VIPR1: variants seen among roughly 807,000 people sequenced by gnomAD.
The protein encoded by VIPR1 is vasoactive intestinal polypeptide receptor 1.
Under a neutral mutation model 58.8 loss-of-function variants are expected in VIPR1, and 59 were observed. The ratio of observed to expected loss-of-function variants is 1.00; its 90% CI spans 0.81 to 1.25. The LOEUF (loss-of-function observed/expected upper bound fraction) is 1.25. Among genes scored for constraint, VIPR1 ranks in the 50% most tolerant of loss-of-function variants. The pLI is 0.00. For synonymous variants in VIPR1, 251 were observed against 242.1 expected (o/e 1.04, Z -0.34); for missense variants, 626 against 602.7 (o/e 1.04, Z -0.40).
At chr3:42,492,841 G>T (rs1379696548) in intron 1 of VIPR1, among the ~76,000 whole-genome samples, 5 of 152,230 alleles carry the variant, frequency 3.3e-5, no homozygotes, top group Admixed American at 6.5e-5. Flanking sequence ...ACAGGAGGCT[G>T]CGCCCTGGAC....
intron 6 of VIPR1, 149 bp downstream of exon 6, chr3:42,528,272 C>T: frequency 9.0e-7 from 1 of 1,112,896 alleles, no homozygotes; most frequent in Non-Finnish European, 1.2e-6. Flanking sequence ...AACCCCCACC[C>T]AACCCCACCT....
At chr3:42,526,620 TC>T in intron 4 of VIPR1, among the ~76,000 whole-genome samples, 1 of 152,124 alleles carries the variant, frequency 6.6e-6, no homozygotes, top group East Asian at 1.9e-4. Context: ...GACCGGGCTT[TC>T]ACTCCACCCA....
intron 3 of VIPR1, chr3:42,521,637 A>G (rs958776330): frequency 1.3e-5 from 2 of 152,204 alleles, no homozygotes; most frequent in Non-Finnish European, 2.9e-5. Context: ...GGAGAGTTAG[A>G]AAAAAGTCAT....
upstream of VIPR1, among the ~76,000 whole-genome samples, chr3:42,501,519 G>C (rs1002048012): frequency 6.6e-6 from 1 of 152,200 alleles, no homozygotes; most frequent in African/African-American, 2.4e-5. This position sits in a 1 kb window ranked among gnomAD's most constrained non-coding sequence, Gnocchi z 4.8. Context: ...GTGCAGGCTC[G>C]AGCCCGTAGA....
At chr3:42,498,844 T>C (rs1699815597), upstream of VIPR1, among the ~76,000 whole-genome samples, 2 of 152,158 alleles carry the variant, frequency 1.3e-5, no homozygotes, top group South Asian at 4.1e-4. Context: ...ATGAATGATA[T>C]TCACTGCATG....
At chr3:42,528,284 G>A in intron 6 of VIPR1, 161 bp downstream of exon 6, 1 of 954,344 alleles carries the variant, frequency 1.0e-6, no homozygotes, top group Non-Finnish European at 1.4e-6. Context: ...ACCCCACCTG[G>A]CAGTACTCAA....
At chr3:42,496,198 C>T (rs947596042) in intron 1 of VIPR1, among the ~76,000 whole-genome samples, 3 of 152,084 alleles carry the variant, frequency 2.0e-5, no homozygotes, top group Non-Finnish European at 4.4e-5. Context: ...GATTGTGCCA[C>T]TGTACTCCAG....
upstream of VIPR1, among the ~76,000 whole-genome samples, chr3:42,499,260 A>G (rs1699822369): frequency 2.0e-5 from 3 of 152,148 alleles, no homozygotes. Context: ...TCCACCACAG[A>G]ACCTCACCAC....
intron 7 of VIPR1, 57 bp downstream of exon 7, chr3:42,530,989 C>G: frequency 6.3e-7 from 1 of 1,599,654 alleles, no homozygotes; most frequent in Non-Finnish European, 8.5e-7. Flanking sequence ...GCCTGGAGAA[C>G]TCCCTAGGGG....
chr3:42,532,162 AAGAC>A, intron 9 of VIPR1, 76 bp from the exon 10 acceptor site: 1 of 1,400,582 alleles, frequency 7.1e-7, no homozygotes, highest in Admixed American at 1.7e-5. Context: ...CCTGGGAAAG[AAGAC>A]AGGCCAGCAG....
At chr3:42,532,731 C>T (rs569614793) in intron 10 of VIPR1, 1 of 259,522 alleles carries the variant, frequency 3.9e-6, no homozygotes, top group African/African-American at 2.1e-5. Context: ...AGACCCCAGT[C>T]CACCAATGAG....
rs372732994 is a variant in VIPR1 at position 42,513,778 on chromosome 3, G to T, written c.108G>T (p.Glu36Asp). The T allele has an allele frequency of 4.5e-6, 7 of 1,551,442 alleles. No homozygotes were observed. Among genetic ancestry groups the T allele is most frequent in the East Asian group, 2.4e-5 (1 of 40,922 alleles). ...GCCAGGCGGCCAGGCTGCAGGAGGA[G>T]TGTGACTATGTGCAGATGATCGAGG... ...AGGQAARLQE[E>D]CDYVQMIEVQ... Residue 36 changes from glutamate to aspartate, a missense_variant, in exon 2 of 13, where the codon GAG (glutamate) becomes GAT (aspartate). Glu to Asp is a conservative substitution (Grantham distance 45). Coordinates refer to ENST00000325123, the MANE Select transcript of VIPR1 (RefSeq NM_004624.4).
chr3:42,495,190 C>T lies in VIPR1; in HGVS notation c.-245+5512C>T, dbSNP rs186258950. 1.4e-3 allele frequency among the ~76,000 whole-genome samples: 217 copies of T among 152,166 alleles called. 2 individuals carry two copies. Among genetic ancestry groups the T allele is most frequent in the African/African-American group, 4.5e-3 (188 of 41,510 alleles). ...AGGCTGGAGTGCAGTGGCATGATCT[C>T]GGCTCACTGCAACCTCTGCCTCCCG... On this transcript the variant is annotated intron_variant, in intron 1 of 13. Coordinates refer to the VIPR1 transcript ENST00000433647.
upstream of VIPR1, among the ~76,000 whole-genome samples, chr3:42,501,058 C>A (rs1276298603): frequency 6.6e-6 from 1 of 151,992 alleles, no homozygotes; most frequent in Admixed American, 6.5e-5. The surrounding 1 kb of genome is among the most constrained non-coding windows in gnomAD (Gnocchi z 4.8). Context: ...GGAGGGGCTC[C>A]ATGGTGGCGA....
At position 42,530,882 on chromosome 3, in the gene VIPR1, CCTT is replaced by C. The variant is rs758573463; in HGVS notation, c.746_748del (p.Phe249del). 8 of 1,614,096 alleles carry C rather than the reference CCTT, an allele frequency of 5.0e-6. 1 individual carries two copies. The highest frequency in any genetic ancestry group is 3.3e-5 in the South Asian group (3 of 91,078). On this transcript the variant is annotated inframe_deletion, in exon 7 of 13. Coordinates refer to ENST00000325123, the MANE Select transcript of VIPR1 (RefSeq NM_004624.4). Reference sequence around the variant, plus strand: ...TACCTGTACACCCTGCTTGCCGTCTCCTTCTTCTCTGAGCGGAAGTACTTCTGG... The same window carrying C: ...TACCTGTACACCCTGCTTGCCGTCTCCTTCTCTGAGCGGAAGTACTTCTGG...
chr3:42,511,049 CTT>C, intron 1 of VIPR1, among the ~76,000 whole-genome samples: 1 of 152,308 alleles, frequency 6.6e-6, no homozygotes. Context: ...AGGCTGGACA[CTT>C]TTGTTTACAG....
intron 1 of VIPR1, 77 bp from the exon 2 acceptor site, chr3:42,513,672 G>T (rs41289574): frequency 0.02 from 28,842 of 1,442,480 alleles, 323 homozygotes; most frequent in Non-Finnish European, 0.023. Context: ...GAGAGGGCAG[G>T]TGCAGTCCAG....
chr3:42,535,612 AAAAC>A (rs1391870309), intron 12 of VIPR1, among the ~76,000 whole-genome samples: 8 of 152,210 alleles, frequency 5.3e-5, no homozygotes, highest in East Asian at 1.9e-4. Context: ...ATTATTTTAA[AAAAC>A]AAACAAACAG....
At chr3:42,530,597 G>C (rs1030151986) in intron 6 of VIPR1, 182 bp from the exon 7 acceptor site, 3 of 647,046 alleles carry the variant, frequency 4.6e-6, no homozygotes, top group African/African-American at 3.6e-5. Flanking sequence ...CGAAGTATCA[G>C]AGGATCTAAA....
Sources: allele counts gnomAD v4.1 joint callset (sites outside exome capture counted in the v4.1 genomes callset), GRCh38; gene constraint gnomAD v4.1.1; non-coding constraint Gnocchi (gnomAD v3.1); transcripts MANE v1.5; gene names NCBI Gene and HGNC (gene_info 2026-07-23, HGNC 2026-07-21).